The following EYA2 variants were observed in gnomAD, a reference collection of about 807,000 sequenced individuals.
EYA2 encodes EYA transcriptional coactivator and phosphatase 2.
A neutral mutation model predicts 69.2 loss-of-function variants in EYA2; 31 were observed. The ratio of observed to expected loss-of-function variants is 0.45; its 90% confidence interval spans 0.34 to 0.60. EYA2 has a LOEUF of 0.60. Ranked by LOEUF, EYA2 falls within the 20% of genes least tolerant of loss-of-function variation. The pLI, the probability that EYA2 is intolerant of heterozygous loss-of-function variation, is 0.02. For synonymous variants in EYA2, 257 were observed against 279.4 expected (o/e 0.92, Z 0.80); for missense variants, 622 against 701.2 (o/e 0.89, Z 1.28).
At chr20:46,975,775 C>T (rs1337197802) in intron 1 of EYA2, among the ~76,000 whole-genome samples, 1 of 152,140 alleles carries the variant, frequency 6.6e-6, no homozygotes, top group Non-Finnish European at 1.5e-5. Flanking sequence ...ATTAGCCGGG[C>T]GTGGTTCTGT....
chr20:46,990,903 G>A (rs1293693832), intron 2 of EYA2, among the ~76,000 whole-genome samples: 1 of 152,218 alleles, frequency 6.6e-6, no homozygotes, highest in African/African-American at 2.4e-5. Flanking sequence ...GTATCTAGTG[G>A]AATATAACAT....
At position 46,922,482 on chromosome 20, in the gene EYA2, A is replaced by G. The variant is rs6018177; in HGVS notation, c.-11+27495A>G. Reference sequence around the variant, plus strand: ...ATTCAAGTAAACAGTGAATTTTGAAATGTAACAACAGCAGGCTTCCATCTG... The same window carrying G: ...ATTCAAGTAAACAGTGAATTTTGAAGTGTAACAACAGCAGGCTTCCATCTG... On this transcript the variant is annotated intron_variant, in intron 1 of 15. Transcript: ENST00000327619. Among the ~76,000 whole-genome samples the G allele has an allele frequency of 5.8e-3, 887 of 152,384 alleles. 15 individuals carry two copies. The highest frequency in any genetic ancestry group is 0.02 in the African/African-American group (829 of 41,590).
chr20:47,048,953 T>C (rs2030185813), intron 5 of EYA2, among the ~76,000 whole-genome samples: 2 of 152,192 alleles, frequency 1.3e-5, no homozygotes, highest in Admixed American at 1.3e-4. Context: ...CACGTTATGG[T>C]ACTCAACACA....
chr20:47,117,240 C>T (rs930593042), intron 9 of EYA2, among the ~76,000 whole-genome samples: 14 of 152,130 alleles, frequency 9.2e-5, no homozygotes, highest in Non-Finnish European at 2.1e-4. Context: ...GAACTCCTGG[C>T]CTCAAATGAT....
At chr20:47,084,274 C>T (rs374268038) in intron 7 of EYA2, among the ~76,000 whole-genome samples, 4 of 152,052 alleles carry the variant, frequency 2.6e-5, no homozygotes, top group African/African-American at 4.8e-5. Context: ...TGTGCAGTAG[C>T]TCACGCCTCT....
At chr20:46,974,432 A>G (rs1209908406) in intron 1 of EYA2, among the ~76,000 whole-genome samples, 1 of 152,198 alleles carries the variant, frequency 6.6e-6, no homozygotes, top group East Asian at 1.9e-4. Flanking sequence ...GGTCCAGGTC[A>G]TTGCAATGGG....
intron 1 of EYA2, among the ~76,000 whole-genome samples, chr20:46,941,541 A>T (rs1392649285): frequency 6.6e-6 from 1 of 152,228 alleles, no homozygotes; most frequent in Non-Finnish European, 1.5e-5. Flanking sequence ...AGTAAACACT[A>T]TTAAAAGAAG....
chr20:46,912,327 C>T (rs759312309), intron 1 of EYA2, among the ~76,000 whole-genome samples: 13 of 152,192 alleles, frequency 8.5e-5, no homozygotes, highest in South Asian at 2.1e-4. Flanking sequence ...GTACTGTGTA[C>T]GAGGTGAGAC....
intron 10 of EYA2, among the ~76,000 whole-genome samples, chr20:47,165,615 T>C (rs2034166182): frequency 6.6e-6 from 1 of 152,216 alleles, no homozygotes; most frequent in Admixed American, 6.5e-5. Context: ...CAAGGTCCTA[T>C]GCAGAGGCGA....
chr20:47,176,138 G>A (rs2034423391), intron 12 of EYA2, among the ~76,000 whole-genome samples: 1 of 146,160 alleles, frequency 6.8e-6, no homozygotes, highest in African/African-American at 2.6e-5. Context: ...GGAATACAGT[G>A]GCATGATCTC....
chr20:46,917,561 A>G (rs1452535749), intron 1 of EYA2, among the ~76,000 whole-genome samples: 2 of 152,234 alleles, frequency 1.3e-5, no homozygotes, highest in Non-Finnish European at 2.9e-5. Context: ...AGCTACAGGC[A>G]TTCCTTGGAG....
chr20:46,987,709 C>G (rs1299044201), intron 1 of EYA2, among the ~76,000 whole-genome samples: 1 of 151,888 alleles, frequency 6.6e-6, no homozygotes, highest in African/African-American at 2.4e-5. Flanking sequence ...GGCAGATCAC[C>G]TGAGGCCAGG....
intron 5 of EYA2, among the ~76,000 whole-genome samples, chr20:47,059,185 C>G (rs149028718): frequency 6.6e-6 from 1 of 152,098 alleles, no homozygotes; most frequent in Admixed American, 6.5e-5. Context: ...GGGGAGGGAC[C>G]GGCTTCTGAG....
chr20:47,147,630 G>A (rs555434130), intron 10 of EYA2, among the ~76,000 whole-genome samples: 85 of 152,314 alleles, frequency 5.6e-4, no homozygotes, highest in Non-Finnish European at 9.8e-4. Flanking sequence ...ACAACATGAT[G>A]TGACTTTGGT....
chr20:47,064,162 G>A (rs1020144845), intron 5 of EYA2, among the ~76,000 whole-genome samples: 17 of 152,148 alleles, frequency 1.1e-4, no homozygotes, highest in Non-Finnish European at 2.1e-4. Context: ...TCAACATGTT[G>A]CCCAGGCTGA....
At chr20:46,999,733 G>T (rs757729468) in intron 2 of EYA2, among the ~76,000 whole-genome samples, 2 of 152,210 alleles carry the variant, frequency 1.3e-5, no homozygotes, top group African/African-American at 2.4e-5. Flanking sequence ...CAGGGGGAGG[G>T]CATTAAGAGT....
At chr20:46,987,954 CTCTCTCTCTCTATA>C (rs1345164295) in intron 1 of EYA2, among the ~76,000 whole-genome samples, 16 of 43,552 alleles carry the variant, frequency 3.7e-4, no homozygotes, top group Middle Eastern at 8.3e-3. Context: ...CTCTCTCTCT[CTCTCTCTCTCTATA>C]TATATATATA....
intron 1 of EYA2, among the ~76,000 whole-genome samples, chr20:46,921,332 G>A (rs1985169633): frequency 6.6e-6 from 1 of 152,266 alleles, no homozygotes; most frequent in Admixed American, 6.5e-5. Flanking sequence ...GTATATTACA[G>A]TTTACAAACA....
At chr20:46,954,974 G>C (rs1979030517) in intron 1 of EYA2, among the ~76,000 whole-genome samples, 1 of 152,152 alleles carries the variant, frequency 6.6e-6, no homozygotes, top group African/African-American at 2.4e-5. Flanking sequence ...CCATTCGTAA[G>C]GTCAAAATGG....
Sources: allele counts gnomAD v4.1 joint callset (sites outside exome capture counted in the v4.1 genomes callset), GRCh38; gene constraint gnomAD v4.1.1; transcripts MANE v1.5; gene names NCBI Gene and HGNC (gene_info 2026-07-23, HGNC 2026-07-21).